Variants in UACA observed in about 807,000 individuals in gnomAD.
UACA encodes nuclear membrane binding protein.
A neutral mutation model predicts 160.5 loss-of-function variants in UACA; 112 were observed. The observed-to-expected ratio is 0.70, with a 90% CI of 0.60 to 0.82. The LOEUF (loss-of-function observed/expected upper bound fraction) is 0.82. Ranked by LOEUF, UACA falls within the 40% of genes least tolerant of loss-of-function variation. UACA has a pLI of 0.00. For synonymous variants in UACA, 557 were observed against 568.4 expected (o/e 0.98, Z 0.29); for missense variants, 1,574 against 1,614.6 (o/e 0.97, Z 0.43).
In UACA at chr15:70,675,287, TAA is replaced by T. The variant is rs59120201; in HGVS notation, c.1131+1204_1131+1205del. On this transcript the variant is annotated intron_variant, in intron 13 of 18. Transcript: ENST00000322954. ...GCAATCACCAGTTTCACAATTAGCCTAAAAAAGAGTCTTCAAATGTGAAGAAG... is the reference window on the plus strand; with the variant it reads ...GCAATCACCAGTTTCACAATTAGCCTAAAAGAGTCTTCAAATGTGAAGAAG... Among the ~76,000 whole-genome samples the T allele has an allele frequency of 5.9e-3, 894 of 152,276 alleles. 41 individuals are homozygous for T. The East Asian group carries it at 0.13, about 22-fold the overall frequency.
At chr15:70,743,241 TTA>T (rs1385224474) in intron 1 of UACA, among the ~76,000 whole-genome samples, 12 of 152,324 alleles carry the variant, frequency 7.9e-5, no homozygotes, top group African/African-American at 1.9e-4. Context: ...AGAGAAAACT[TTA>T]TGTTTTTAAA....
rs1332730759 is a variant in UACA, at chr15:70,659,470, C to T, written c.4179+681G>A. On this transcript the variant is annotated intron_variant, in intron 18 of 18. Coordinates refer to ENST00000322954, the MANE Select transcript of UACA (RefSeq NM_018003.4). ...AACATACTTCAAATCCAAATAATTC[C>T]CAGGATCTCTGTCATTCTAAAATTT... Among the ~76,000 whole-genome samples, 11 of 117,092 alleles carry T rather than the reference C, an allele frequency of 9.4e-5. No homozygotes were observed. The East Asian group carries it at 2.3e-3, about 25-fold the overall frequency. The allele number at this position is 117,092 out of a possible 152,430, so 76.8% of individuals were successfully genotyped here.
At chr15:70,762,102 C>G (rs1474003660) in intron 1 of UACA, among the ~76,000 whole-genome samples, 1 of 151,850 alleles carries the variant, frequency 6.6e-6, no homozygotes, top group African/African-American at 2.4e-5. Flanking sequence ...GCTTATAAAA[C>G]GACTTCATGC....
intron 1 of UACA, chr15:70,702,042 C>A (rs1261774809): frequency 6.3e-6 from 9 of 1,438,564 alleles, no homozygotes; most frequent in Non-Finnish European, 8.2e-6. Flanking sequence ...ACATGCTGTG[C>A]TACACTTAGC....
At position 70,695,645 on chromosome 15, in the gene UACA, CATTACCAACTA is replaced by C. The variant is rs573768971; in HGVS notation, c.213-551_213-541del. Among the ~76,000 whole-genome samples the C allele has an allele frequency of 2.3e-3, 349 of 152,288 alleles. 3 individuals are homozygous for C. The highest frequency in any genetic ancestry group is 8.3e-3 in the African/African-American group (343 of 41,568). On this transcript the variant is annotated intron_variant, in intron 2 of 18. Transcript: ENST00000322954. ...AAAGAATCAGCGCCTTCTTCCCAAA[CATTACCAACTA>C]ATTACCAACTACCAACTAATTCTTC...
At chr15:70,726,209 G>C (rs1899138441) in intron 1 of UACA, among the ~76,000 whole-genome samples, 1 of 151,974 alleles carries the variant, frequency 6.6e-6, no homozygotes, top group African/African-American at 2.4e-5. Context: ...TGAACTTTCA[G>C]GGTAACTCAG....
intron 1 of UACA, among the ~76,000 whole-genome samples, chr15:70,721,072 C>T (rs1425161415): frequency 3.3e-5 from 5 of 152,096 alleles, no homozygotes; most frequent in Non-Finnish European, 7.3e-5. Flanking sequence ...GAGATTGTTT[C>T]TGCAGTGAAG....
At position 70,676,511 on chromosome 15, in the gene UACA, A is replaced by AT. The variant is rs1566969951; in HGVS notation, c.1112dup (p.Asn371LysfsTer2). On this transcript the variant is annotated frameshift_variant, in exon 13 of 19. Coordinates refer to ENST00000322954, the MANE Select transcript of UACA (RefSeq NM_018003.4). LOFTEE classifies it high-confidence loss of function. ...TCTATACCTCAAAATATTTAAATCT[A>AT]TTTTTCAGAGCCTCAATAGTCCTTA... The AT allele has an allele frequency of 3.1e-6, 5 of 1,610,978 alleles. No homozygotes were observed. Among genetic ancestry groups the AT allele is most frequent in the Non-Finnish European group, 4.2e-6 (5 of 1,178,618 alleles).
intron 8 of UACA, among the ~76,000 whole-genome samples, chr15:70,683,503 T>A (rs1897589267): frequency 6.6e-6 from 1 of 152,106 alleles, no homozygotes; most frequent in Non-Finnish European, 1.5e-5. Flanking sequence ...GTAATAAAAA[T>A]ATACTAAAAT....
chr15:70,752,445 T>C (rs900829893), intron 1 of UACA, among the ~76,000 whole-genome samples: 1 of 152,056 alleles, frequency 6.6e-6, no homozygotes, highest in Non-Finnish European at 1.5e-5. Flanking sequence ...AATAACAGCA[T>C]GCTGGAAGAA....
intron 15 of UACA, among the ~76,000 whole-genome samples, chr15:70,670,615 TG>T (rs1009350549): frequency 1.3e-5 from 2 of 152,094 alleles, no homozygotes; most frequent in African/African-American, 4.8e-5. Context: ...TAGAGCTTGC[TG>T]CAGACCCCTA....
intron 1 of UACA, among the ~76,000 whole-genome samples, chr15:70,762,487 A>C (rs1291391846): frequency 6.6e-6 from 1 of 152,196 alleles, no homozygotes; most frequent in African/African-American, 2.4e-5. Flanking sequence ...AACGTGACAA[A>C]TTATCTAAAT....
At chr15:70,670,285 C>T (rs953499112) in intron 15 of UACA, among the ~76,000 whole-genome samples, 1 of 152,142 alleles carries the variant, frequency 6.6e-6, no homozygotes, top group African/African-American at 2.4e-5. Flanking sequence ...AAAGGCACTA[C>T]ACATGTGGCC....
the UACA span, among the ~76,000 whole-genome samples, chr15:70,768,964 G>A: frequency 6.6e-6 from 1 of 152,002 alleles, no homozygotes; most frequent in Admixed American, 6.6e-5. Context: ...GATCAATTAC[G>A]AGTAAATTAC....
intron 4 of UACA, 87 bp from the exon 5 acceptor site, chr15:70,690,598 T>C: frequency 2.0e-6 from 2 of 990,774 alleles, no homozygotes; most frequent in Non-Finnish European, 3.1e-6. Context: ...TGTTATTTAA[T>C]CTTAAAATAT....
chr15:70,720,315 G>A (rs8023741), intron 1 of UACA, among the ~76,000 whole-genome samples: 98,139 of 152,042 alleles, frequency 0.65, 34,681 homozygotes, highest in Admixed American at 0.79. Context: ...AGCAATGTGT[G>A]AATGGACTAA....
intron 17 of UACA, chr15:70,660,996 G>A (rs1404161242): frequency 6.6e-6 from 1 of 152,166 alleles, no homozygotes; most frequent in Non-Finnish European, 1.5e-5. Flanking sequence ...CATGGTTTCA[G>A]GCATCCACTG....
At position 70,763,358 on chromosome 15, in the gene UACA, G is replaced by A. The variant is rs371723255; in HGVS notation, c.50C>T (p.Ala17Val). Reference sequence around the variant, plus strand: ...GCTGGCGGCGGCGGCGCCAGACGACGCGGGGCCGGGCACGTCCTGCCTCCT... The same window carrying A: ...GCTGGCGGCGGCGGCGCCAGACGACACGGGGCCGGGCACGTCCTGCCTCCT... ...RLRRQDVPGP[A>V]SSGAAAASAH... Residue 17 changes from alanine (A) to valine (V), a missense_variant, in exon 1 of 19, where the codon GCG becomes GTG. Physicochemically the swap from Ala to Val is moderately conservative, Grantham distance 64. Transcript: ENST00000322954. 12 of 1,333,522 alleles carry A rather than the reference G, an allele frequency of 9.0e-6. No homozygotes were observed. In the East Asian group the frequency reaches 1.2e-4, roughly 14 times the overall value. 82.6% of individuals were successfully genotyped at this position (1,333,522 alleles called of 1,614,324 possible). A position where few individuals can be genotyped will look rare whatever the true frequency, so the allele number is the denominator to read the frequency against.
chr15:70,665,062 T>C (rs1036823602), intron 16 of UACA: 4 of 306,764 alleles, frequency 1.3e-5, no homozygotes, highest in Non-Finnish European at 2.4e-5. Context: ...TATCCTAAGA[T>C]GTGAGTATAA....
Sources: allele counts gnomAD v4.1 joint callset (sites outside exome capture counted in the v4.1 genomes callset), GRCh38; gene constraint gnomAD v4.1.1; transcripts MANE v1.5; gene names NCBI Gene and HGNC (gene_info 2026-07-23, HGNC 2026-07-21).